SAMD5: variants seen among roughly 807,000 people sequenced by gnomAD.
The protein encoded by SAMD5 is sterile alpha motif domain containing 5.
In SAMD5, 13 loss-of-function variants were observed where a neutral mutation model predicts 11.3. That is an observed-to-expected ratio of 1.15 (90% CI 0.75 to 1.83). SAMD5 has a LOEUF of 1.83. Among genes scored for constraint, SAMD5 ranks in the 40% most tolerant of loss-of-function variants. SAMD5 has a pLI of 0.00. For synonymous variants in SAMD5, 129 were observed against 111.3 expected (o/e 1.16, Z -1.00); for missense variants, 255 against 239.1 (o/e 1.07, Z -0.44).
chr6:147,613,475 C>G (rs1233492260), intron 1 of SAMD5, among the ~76,000 whole-genome samples: 2 of 151,916 alleles, frequency 1.3e-5, no homozygotes, highest in Non-Finnish European at 2.9e-5. Context: ...TAACAGTTCT[C>G]TTCCACTGCC....
the SAMD5 span, among the ~76,000 whole-genome samples, chr6:147,798,693 G>C: frequency 6.6e-6 from 1 of 152,034 alleles, no homozygotes; most frequent in Non-Finnish European, 1.5e-5. Flanking sequence ...TTATTAATGT[G>C]TGGGAGTCTA....
chr6:147,627,581 A>T (rs1415958733), intron 1 of SAMD5, among the ~76,000 whole-genome samples: 1 of 152,166 alleles, frequency 6.6e-6, no homozygotes. Context: ...ATCATTACAC[A>T]CTGCCCGGTG....
chr6:147,636,485 G>A (rs1790232940), intron 1 of SAMD5, among the ~76,000 whole-genome samples: 1 of 152,162 alleles, frequency 6.6e-6, no homozygotes, highest in Non-Finnish European at 1.5e-5. Context: ...GCATGAAACT[G>A]TAAGAATGAA....
the SAMD5 span, among the ~76,000 whole-genome samples, chr6:147,773,869 G>A: frequency 6.6e-6 from 1 of 152,082 alleles, no homozygotes; most frequent in Non-Finnish European, 1.5e-5. Flanking sequence ...AAGAGACTGG[G>A]TTTCACTCTG....
chr6:147,823,470 A>T, the SAMD5 span, among the ~76,000 whole-genome samples: 1 of 152,208 alleles, frequency 6.6e-6, no homozygotes. Context: ...ATATAATTGC[A>T]ACTCTTTAGG....
rs142944402 is a variant in SAMD5, at chr6:147,671,676, C to G, written c.163-65641C>G. ...TCAACAAATTGAGCAACAAGCCACC[C>G]ATTACTTAATTATTTCTTCTGTTTT... is the stretch of plus-strand genomic sequence containing the variant. On this transcript the variant is annotated intron_variant, in intron 1 of 1. Transcript: ENST00000566741. Among the ~76,000 whole-genome samples, 860 of 152,220 alleles carry G rather than the reference C, an allele frequency of 5.6e-3. 5 individuals carry two copies. The highest frequency in any genetic ancestry group is 0.02 in the African/African-American group (812 of 41,536).
chr6:147,943,339 G>A, the SAMD5 span, among the ~76,000 whole-genome samples: 2 of 152,004 alleles, frequency 1.3e-5, no homozygotes, highest in East Asian at 3.9e-4. Context: ...AAGGAAAATA[G>A]AAAATACAGT....
chr6:147,833,667 C>CT, the SAMD5 span, among the ~76,000 whole-genome samples: 16 of 152,084 alleles, frequency 1.1e-4, no homozygotes, highest in Non-Finnish European at 1.8e-4. Flanking sequence ...TAAAATAGTA[C>CT]TTTTTTCCTG....
the SAMD5 span, among the ~76,000 whole-genome samples, chr6:147,781,766 G>A: frequency 3.5e-5 from 3 of 86,954 alleles, no homozygotes; most frequent in Non-Finnish European, 6.5e-5. Flanking sequence ...TATATAATTT[G>A]TGTGCGCACA....
At position 147,693,973 on chromosome 6, in the gene SAMD5, AT is replaced by A. The variant is rs1791140417; in HGVS notation, c.163-43342del. Among the ~76,000 whole-genome samples, 3 of 152,294 alleles carry A rather than the reference AT, an allele frequency of 2.0e-5. No homozygotes were observed. The South Asian group carries it at 6.2e-4, about 32-fold the overall frequency. On this transcript the variant is annotated intron_variant, in intron 1 of 1. Transcript: ENST00000566741. ...GAGAGTGAGACTTTGTCTCAAAAAA[AT>A]TGGGAAGATCCCGTCCAAGAGGAAG...
chr6:147,680,382 T>C (rs188395609), intron 1 of SAMD5, among the ~76,000 whole-genome samples: 101 of 152,274 alleles, frequency 6.6e-4, no homozygotes, highest in African/African-American at 2.2e-3. Flanking sequence ...TCCTACAAAC[T>C]TGCTAAACTC....
intron 1 of SAMD5, among the ~76,000 whole-genome samples, chr6:147,626,005 C>G (rs777839396): frequency 6.6e-6 from 1 of 152,028 alleles, no homozygotes; most frequent in Non-Finnish European, 1.5e-5. Context: ...TAGTTCTGAC[C>G]TATGACACCT....
chr6:147,828,747 C>G, the SAMD5 span, among the ~76,000 whole-genome samples: 1 of 152,176 alleles, frequency 6.6e-6, no homozygotes, highest in Admixed American at 6.5e-5. Context: ...GTACGTCTGT[C>G]CTATTAGTTC....
chr6:147,689,436 A>T (rs902882958), intron 1 of SAMD5, among the ~76,000 whole-genome samples: 1 of 152,196 alleles, frequency 6.6e-6, no homozygotes, highest in Non-Finnish European at 1.5e-5. Context: ...CATTATCCTT[A>T]TATGTAAAAT....
chr6:147,611,983 C>T (rs1446791146), intron 1 of SAMD5, among the ~76,000 whole-genome samples: 2 of 152,316 alleles, frequency 1.3e-5, no homozygotes, highest in African/African-American at 2.4e-5. Flanking sequence ...GCTGGGCCAT[C>T]GATGTAGCTC....
intron 1 of SAMD5, among the ~76,000 whole-genome samples, chr6:147,539,934 T>C (rs1051290017): frequency 6.6e-6 from 1 of 152,210 alleles, no homozygotes; most frequent in Admixed American, 6.5e-5. Context: ...TTTTGGCTTT[T>C]GAATTTTACC....
intron 1 of SAMD5, 38 bp downstream of exon 1, chr6:147,509,425 C>A: frequency 6.7e-7 from 1 of 1,487,048 alleles, no homozygotes. Flanking sequence ...GGGCGCGCGG[C>A]GGGAGGGGAC....
chr6:147,881,574 C>A, the SAMD5 span, among the ~76,000 whole-genome samples: 7 of 152,218 alleles, frequency 4.6e-5, no homozygotes, highest in Non-Finnish European at 1.5e-5. Context: ...GAACAAAGCA[C>A]CAGCTTGACT....
chr6:147,594,228 G>T (rs1789496470), intron 1 of SAMD5, among the ~76,000 whole-genome samples: 2 of 152,174 alleles, frequency 1.3e-5, no homozygotes, highest in African/African-American at 4.8e-5. Context: ...ATTGTCAATA[G>T]CTGAGCACTT....
Sources: allele counts gnomAD v4.1 joint callset (sites outside exome capture counted in the v4.1 genomes callset), GRCh38; gene constraint gnomAD v4.1.1; transcripts MANE v1.5; gene names NCBI Gene and HGNC (gene_info 2026-07-23, HGNC 2026-07-21).